Variants in STK32B observed in about 807,000 individuals in gnomAD.
The protein encoded by STK32B is serine/threonine-protein kinase 32B.
In STK32B, 43 loss-of-function variants were observed where a neutral mutation model predicts 52.6. That is an observed-to-expected ratio of 0.82 (90% CI 0.64 to 1.05). The LOEUF is 1.05. STK32B is among the 50% of genes least tolerant of loss of function. STK32B has a pLI of 0.00. For missense variants in STK32B, 621 were observed against 534.6 expected (o/e 1.16, Z -1.59); for synonymous variants, 238 against 204.3 (o/e 1.17, Z -1.41).
chr4:5,057,903 A>G (rs1742068372), intron 1 of STK32B, among the ~76,000 whole-genome samples: 1 of 152,238 alleles, frequency 6.6e-6, no homozygotes, highest in South Asian at 2.1e-4. Context: ...CAGTGAGGAC[A>G]CATAGTTTAG....
At position 5,456,901 on chromosome 4, in the gene STK32B, G is replaced by A; in HGVS notation, c.761G>A (p.Gly254Glu). ...CACTACTCCTCCACGTGGTGCAAGG[G>A]GATGGTGGCCCTGCTGAGGAAGGTA... ...RVHYSSTWCKGMVALLRKLLT... is the reference protein window; with the variant it reads ...RVHYSSTWCKEMVALLRKLLT... Residue 254 changes from glycine (G) to glutamate (E), a missense_variant, in exon 8 of 12, where the codon GGG becomes GAG. Gly to Glu is a moderately conservative substitution (Grantham distance 98, BLOSUM62 -2). Coordinates refer to ENST00000282908, the MANE Select transcript of STK32B (RefSeq NM_018401.3). The A allele has an allele frequency of 6.3e-7, 1 of 1,577,564 alleles. No homozygotes were observed. Among genetic ancestry groups the A allele is most frequent in the Non-Finnish European group, 8.6e-7 (1 of 1,160,092 alleles).
intron 6 of STK32B, among the ~76,000 whole-genome samples, chr4:5,424,224 G>A (rs951633064): frequency 6.6e-6 from 1 of 152,166 alleles, no homozygotes; most frequent in Non-Finnish European, 1.5e-5. Context: ...AAGGGGTGCT[G>A]AGGGTGGCTC....
At chr4:5,481,236 C>T (rs1443803786) in intron 11 of STK32B, among the ~76,000 whole-genome samples, 1 of 152,210 alleles carries the variant, frequency 6.6e-6, no homozygotes, top group South Asian at 2.1e-4. Context: ...ACATCCTCTC[C>T]AGCATCTGTT....
At chr4:5,265,544 C>T (rs1447297302) in intron 3 of STK32B, among the ~76,000 whole-genome samples, 6 of 152,226 alleles carry the variant, frequency 3.9e-5, no homozygotes, top group African/African-American at 1.2e-4. Flanking sequence ...CAAGCACTGA[C>T]ACATTTGCTG....
chr4:5,396,854 T>C lies in STK32B; in HGVS notation c.435-1353T>C, dbSNP rs529768247. Among the ~76,000 whole-genome samples, 61 of 152,338 alleles carry C rather than the reference T, an allele frequency of 4.0e-4. No individual in the cohort carries two copies. Among genetic ancestry groups the C allele is most frequent in the Non-Finnish European group, 7.3e-4 (50 of 68,038 alleles). On this transcript the variant is annotated intron_variant, in intron 4 of 11. Coordinates refer to ENST00000282908, the MANE Select transcript of STK32B (RefSeq NM_018401.3). This position sits in a 1 kb window ranked among gnomAD's most constrained non-coding sequence, Gnocchi z 4.7. ...TTCATCCGCACTTGACTCTAGGTCT[T>C]CTGCCTTTTGTTTTAATTTTATAAG...
the STK32B span, among the ~76,000 whole-genome samples, chr4:5,035,072 G>T: frequency 2.0e-5 from 3 of 152,282 alleles, no homozygotes; most frequent in South Asian, 6.2e-4. Flanking sequence ...GTATTTTAGA[G>T]GAATGTGGAG....
intron 1 of STK32B, chr4:5,127,221 C>G (rs2108817028): frequency 2.2e-6 from 1 of 456,094 alleles, no homozygotes; most frequent in Middle Eastern, 3.3e-4. Flanking sequence ...GTTGAGCGTC[C>G]CAGAAAATTT....
chr4:5,052,017 G>T (rs1281982120), intron 1 of STK32B, 102 bp downstream of exon 1: 1 of 1,515,598 alleles, frequency 6.6e-7, no homozygotes, highest in Non-Finnish European at 8.9e-7. Flanking sequence ...CCGGCGCGGG[G>T]ACCCAGGCAT....
chr4:5,191,140 G>T (rs1340903922), intron 3 of STK32B, among the ~76,000 whole-genome samples: 2 of 152,086 alleles, frequency 1.3e-5, no homozygotes, highest in Non-Finnish European at 2.9e-5. Flanking sequence ...CTTAAACTCT[G>T]GTTTTCCCTG....
rs1404729256 is a variant in STK32B at position 5,395,461 on chromosome 4, C to T, written c.435-2746C>T. Among the ~76,000 whole-genome samples, 4 of 152,208 alleles carry T rather than the reference C, an allele frequency of 2.6e-5. No individual in the cohort carries two copies. Among genetic ancestry groups the T allele is most frequent in the Non-Finnish European group, 5.9e-5 (4 of 68,048 alleles). On this transcript the variant is annotated intron_variant, in intron 4 of 11. Transcript: ENST00000282908. This position sits in a 1 kb window ranked among gnomAD's most constrained non-coding sequence, Gnocchi z 4.4. ...CCCAATGTCACCACTTCTTAAAGGT[C>T]TTCCTGACCATCTACCAAAACTAGG... is the stretch of plus-strand genomic sequence containing the variant.
intron 3 of STK32B, among the ~76,000 whole-genome samples, chr4:5,177,531 C>G (rs1720007176): frequency 6.6e-6 from 1 of 152,162 alleles, no homozygotes; most frequent in Non-Finnish European, 1.5e-5. Flanking sequence ...CACAATCATG[C>G]CTTCCCAACA....
At chr4:5,053,927 T>C (rs9799452) in intron 1 of STK32B, among the ~76,000 whole-genome samples, 39,988 of 151,742 alleles carry the variant, frequency 0.26, 5,484 homozygotes, top group East Asian at 0.49. Flanking sequence ...TGCAGTGAGC[T>C]GAGATCGCAC....
At chr4:5,099,457 CGCGT>C (rs930875651) in intron 1 of STK32B, among the ~76,000 whole-genome samples, 8 of 146,270 alleles carry the variant, frequency 5.5e-5, no homozygotes, top group African/African-American at 1.9e-4. Flanking sequence ...TGTGCGCGCG[CGCGT>C]ATGTGATGTG....
In STK32B at chr4:5,172,544, T is replaced by C. The variant is rs1408701089; in HGVS notation, c.260+4094T>C. On this transcript the variant is annotated intron_variant, in intron 3 of 11. Transcript: ENST00000282908. ...GGGTTGTTGAATTTTGTCAAAGGCC[T>C]TTTCTGCATCTATTGAGATAACCAT... 3.3e-5 allele frequency among the ~76,000 whole-genome samples: 5 copies of C among 152,306 alleles called. No individual in the cohort carries two copies. The South Asian group carries it at 6.2e-4, about 19-fold the overall frequency.
intron 3 of STK32B, among the ~76,000 whole-genome samples, chr4:5,228,157 T>C (rs985222): frequency 0.55 from 83,830 of 152,028 alleles, 23,711 homozygotes; most frequent in East Asian, 0.71. Context: ...GTGCAAGATA[T>C]TCACATAAAA....
chr4:5,127,449 C>CA (rs1715474797), intron 1 of STK32B, among the ~76,000 whole-genome samples: 1 of 152,112 alleles, frequency 6.6e-6, no homozygotes, highest in Non-Finnish European at 1.5e-5. Context: ...GTGGCTCATT[C>CA]AGTTACATCC....
the STK32B span, among the ~76,000 whole-genome samples, chr4:5,034,422 G>C: frequency 6.6e-6 from 1 of 152,176 alleles, no homozygotes; most frequent in African/African-American, 2.4e-5. Flanking sequence ...TCCCCTGCCT[G>C]CAGCACTCCA....
chr4:5,268,436 G>A (rs1297442775), intron 3 of STK32B, among the ~76,000 whole-genome samples: 1 of 152,034 alleles, frequency 6.6e-6, no homozygotes, highest in Non-Finnish European at 1.5e-5. Context: ...TTATTTATCA[G>A]AGACACATTC....
intron 3 of STK32B, among the ~76,000 whole-genome samples, chr4:5,318,118 T>TGTGTGC (rs1311131379): frequency 1.3e-5 from 2 of 152,208 alleles, no homozygotes; most frequent in Admixed American, 6.5e-5. Context: ...TGTGTGTGTG[T>TGTGTGC]GCACGCTTGT....
Sources: gnomAD v4.1 joint callset for allele counts (sites outside exome capture counted in the v4.1 genomes callset) on GRCh38, gnomAD v4.1.1 for gene constraint, Gnocchi (gnomAD v3.1) non-coding constraint, MANE v1.5 for transcripts, NCBI Gene and HGNC (gene_info 2026-07-23, HGNC 2026-07-21) for gene names.